The following FANCL variants were observed in gnomAD, a reference collection of about 807,000 sequenced individuals.
FANCL encodes the protein E3 ubiquitin-protein ligase FANCL.
A neutral mutation model predicts 59.4 loss-of-function variants in FANCL; 69 were observed. The ratio of observed to expected loss-of-function variants is 1.16; its 90% CI spans 0.96 to 1.42. The LOEUF is 1.42. Ranked by LOEUF, FANCL falls within the 40% of genes most tolerant of loss-of-function variation. The pLI, the probability that FANCL is intolerant of heterozygous loss-of-function variation, is 0.00. For synonymous variants in FANCL, 180 were observed against 147.1 expected (o/e 1.22, Z -1.62); for missense variants, 519 against 447.2 (o/e 1.16, Z -1.45).
chr2:58,165,447 T>C (rs1163429634), intron 8 of FANCL, among the ~76,000 whole-genome samples: 1 of 152,170 alleles, frequency 6.6e-6, no homozygotes, highest in Non-Finnish European at 1.5e-5. Flanking sequence ...GAGTTACCTG[T>C]TCCACGATTC....
chr2:58,162,475 G>C (rs1685337241), intron 11 of FANCL, among the ~76,000 whole-genome samples: 1 of 151,894 alleles, frequency 6.6e-6, no homozygotes, highest in Non-Finnish European at 1.5e-5. Flanking sequence ...GGTTTGAACT[G>C]CACAGGTCTA....
At position 58,202,778 on chromosome 2, in the gene FANCL, A is replaced by G. The variant is rs548603770; in HGVS notation, c.471+1352T>C. Among the ~76,000 whole-genome samples, 6 of 152,020 alleles carry G rather than the reference A, an allele frequency of 3.9e-5. No individual in the cohort carries two copies. The East Asian group carries it at 1.2e-3, about 29-fold the overall frequency. On this transcript the variant is annotated intron_variant, in intron 6 of 13. Transcript: ENST00000233741. ...CCAATAAATGAACTAAATGTCATCA[A>G]CTTGGATTAAAATCTTGTAGGTATA...
In FANCL at chr2:58,165,834, A is replaced by G; in HGVS notation, c.581T>C (p.Ile194Thr). 1.9e-6 allele frequency: 3 copies of G among 1,614,064 alleles called. No homozygotes were observed. The highest frequency in any genetic ancestry group is 2.5e-6 in the Non-Finnish European group (3 of 1,179,964). The change falls in exon 8 of 14, where the codon ATA (isoleucine) becomes ACA (threonine). Residue 194 changes from isoleucine (I) to threonine (T), a missense_variant. Physicochemically the swap from Ile to Thr is moderately conservative, Grantham distance 89. Coordinates refer to ENST00000233741, the MANE Select transcript of FANCL (RefSeq NM_018062.4). ...ATCCCAGAATGCCTTTAGTGATTCTATTGCTGCCAAAAACTGACTATAAAT... is the reference window on the plus strand; with the variant it reads ...ATCCCAGAATGCCTTTAGTGATTCTGTTGCTGCCAAAAACTGACTATAAAT... Reference protein sequence around the residue: ...ISIYSQFLAAIESLKAFWDVM... With the variant: ...ISIYSQFLAATESLKAFWDVM...
chr2:58,174,201 AC>A (rs1341334030), intron 7 of FANCL, among the ~76,000 whole-genome samples: 1 of 152,190 alleles, frequency 6.6e-6, no homozygotes, highest in Non-Finnish European at 1.5e-5. Flanking sequence ...AGAATTTAAC[AC>A]CCCACTGTCA....
At chr2:58,221,860 T>C in intron 5 of FANCL, 82 bp downstream of exon 5, 2 of 942,456 alleles carry the variant, frequency 2.1e-6, no homozygotes, top group Non-Finnish European at 3.4e-6. Context: ...TAAAATCAGG[T>C]ATAAACTGCT....
intron 7 of FANCL, among the ~76,000 whole-genome samples, chr2:58,195,209 C>A (rs1348461918): frequency 1.3e-5 from 2 of 152,106 alleles, no homozygotes; most frequent in Non-Finnish European, 2.9e-5. Flanking sequence ...CACATTTCTT[C>A]TTATTTTCAA....
At chr2:58,219,511 T>C (rs1692260249) in intron 5 of FANCL, among the ~76,000 whole-genome samples, 2 of 151,376 alleles carry the variant, frequency 1.3e-5, no homozygotes, top group South Asian at 4.2e-4. Context: ...GAGTAAAGTG[T>C]GGAGAGAGAG....
At chr2:58,198,434 A>G in intron 7 of FANCL, 160 bp downstream of exon 7, 1 of 626,674 alleles carries the variant, frequency 1.6e-6, no homozygotes, top group Non-Finnish European at 2.9e-6. Flanking sequence ...GAGTGTGCAC[A>G]GGCTATAAAC....
chr2:58,183,838 G>A (rs895508253), intron 7 of FANCL, among the ~76,000 whole-genome samples: 1 of 152,008 alleles, frequency 6.6e-6, no homozygotes, highest in Middle Eastern at 3.4e-3. Context: ...ACAGGACTAC[G>A]TTGGCTTCTC....
chr2:58,194,592 T>C (rs866273122), intron 7 of FANCL, among the ~76,000 whole-genome samples: 2 of 152,076 alleles, frequency 1.3e-5, no homozygotes, highest in African/African-American at 2.4e-5. Context: ...ATGGCAGCAA[T>C]AGTAGCAGCA....
In FANCL at chr2:58,175,628, C is replaced by T. The variant is rs371115914; in HGVS notation, c.541-9754G>A. 1.9e-3 allele frequency among the ~76,000 whole-genome samples: 296 copies of T among 152,186 alleles called. 2 individuals are homozygous for T. Among genetic ancestry groups the T allele is most frequent in the African/African-American group, 6.7e-3 (277 of 41,502 alleles). On this transcript the variant is annotated intron_variant, in intron 7 of 13. Transcript: ENST00000233741. ...CTCAATAAATTAGGTATTGATGGGACGTATCTCAAAATAATAAGAGCTATC... is the reference window on the plus strand; with the variant it reads ...CTCAATAAATTAGGTATTGATGGGATGTATCTCAAAATAATAAGAGCTATC...
chr2:58,159,350 A>G lies in FANCL; in HGVS notation c.*415T>C. The G allele has an allele frequency of 6.3e-7, 1 of 1,592,422 alleles. No homozygotes were observed. Among genetic ancestry groups the G allele is most frequent in the Non-Finnish European group, 8.5e-7 (1 of 1,172,678 alleles). On this transcript the variant is annotated 3_prime_UTR_variant, in exon 14 of 14. Coordinates refer to ENST00000233741, the MANE Select transcript of FANCL (RefSeq NM_018062.4). Reference sequence around the variant, plus strand: ...ACTATATATGTATTTTTTCCATAGGAAAGCACAAGGAGAAGACAGAAATAT... The same window carrying G: ...ACTATATATGTATTTTTTCCATAGGGAAGCACAAGGAGAAGACAGAAATAT...
intron 5 of FANCL, among the ~76,000 whole-genome samples, chr2:58,213,074 T>C (rs1261302473): frequency 6.6e-6 from 1 of 152,240 alleles, no homozygotes; most frequent in Non-Finnish European, 1.5e-5. Flanking sequence ...CAAGGATTTT[T>C]CTGTATCAGA....
At position 58,204,211 on chromosome 2, in the gene FANCL, A is replaced by G. The variant is rs777949859; in HGVS notation, c.390T>C (p.Asp130=). The part of the protein sequence containing the change: ...TLGWDKLVYA[D]TCFSTIKLKA... ...TTAACTTGATGGTACTGAAGCAGGTATCCGCATACACAAGTCTGGTGAGCA... is the reference window on the plus strand; with the variant it reads ...TTAACTTGATGGTACTGAAGCAGGTGTCCGCATACACAAGTCTGGTGAGCA... The change falls in exon 6 of 14, where the codon GAT becomes GAC. Residue 130 remains aspartate, a synonymous_variant. Coordinates refer to ENST00000233741, the MANE Select transcript of FANCL (RefSeq NM_018062.4). 1.2e-6 allele frequency: 2 copies of G among 1,613,096 alleles called. No homozygotes were observed. The highest frequency in any genetic ancestry group is 1.7e-6 in the Non-Finnish European group (2 of 1,179,140).
intron 6 of FANCL, among the ~76,000 whole-genome samples, chr2:58,202,877 T>A (rs1260142046): frequency 6.6e-6 from 1 of 151,830 alleles, no homozygotes; most frequent in Non-Finnish European, 1.5e-5. Flanking sequence ...GGACAGGGTG[T>A]ATTTAAAATC....
At chr2:58,173,788 A>G (rs1016813668) in intron 7 of FANCL, among the ~76,000 whole-genome samples, 32 of 152,280 alleles carry the variant, frequency 2.1e-4, no homozygotes, top group African/African-American at 7.7e-4. Flanking sequence ...ACATAACAAT[A>G]TTAACTTTAA....
intron 5 of FANCL, among the ~76,000 whole-genome samples, chr2:58,217,897 T>C (rs1031864923): frequency 3.9e-5 from 6 of 151,990 alleles, no homozygotes; most frequent in African/African-American, 1.4e-4. Context: ...AGAGATTACA[T>C]ACTCTTCTTA....
chr2:58,165,620 G>T, intron 8 of FANCL, 104 bp downstream of exon 8: 1 of 1,413,784 alleles, frequency 7.1e-7, no homozygotes. Flanking sequence ...TTTAATAGTT[G>T]ACTTCATATA....
At chr2:58,215,925 A>G (rs1383493959) in intron 5 of FANCL, among the ~76,000 whole-genome samples, 1 of 151,986 alleles carries the variant, frequency 6.6e-6, no homozygotes, top group Admixed American at 6.6e-5. Context: ...GAAAGTTCAT[A>G]ATACAAGGAG....
Sources: gnomAD v4.1 joint callset for allele counts (sites outside exome capture counted in the v4.1 genomes callset) on GRCh38, gnomAD v4.1.1 for gene constraint, MANE v1.5 for transcripts, NCBI Gene and HGNC (gene_info 2026-07-23, HGNC 2026-07-21) for gene names.